The following VAMP4 variants were observed in gnomAD, a reference collection of about 807,000 sequenced individuals.
The protein encoded by VAMP4 is vesicle-associated membrane protein 4.
In VAMP4, 19 loss-of-function variants were observed where a neutral mutation model predicts 23.5. The ratio of observed to expected loss-of-function variants is 0.81; its 90% CI spans 0.56 to 1.19. VAMP4 has a LOEUF of 1.19. Among genes scored for constraint, VAMP4 ranks in the 50% most tolerant of loss-of-function variants. The pLI, the probability that VAMP4 is intolerant of heterozygous loss-of-function variation, is 0.00. For missense variants in VAMP4, 145 were observed against 168.6 expected (o/e 0.86, Z 0.78); for synonymous variants, 31 against 51.0 (o/e 0.61, Z 1.67).
At chr1:171,738,564 A>C in intron 1 of VAMP4, 101 bp from the exon 2 acceptor site, 2 of 720,798 alleles carry the variant, frequency 2.8e-6, no homozygotes, top group Non-Finnish European at 4.5e-6. Context: ...GGACTCCCTC[A>C]TTTTTCTGAC....
chr1:171,729,684 G>A (rs577349199), intron 2 of VAMP4, among the ~76,000 whole-genome samples: 1 of 152,246 alleles, frequency 6.6e-6, no homozygotes, highest in South Asian at 2.1e-4. Flanking sequence ...GTTTGAGATG[G>A]AGTCTTGCTC....
intron 2 of VAMP4, 114 bp downstream of exon 2, chr1:171,738,235 G>A (rs906350043): frequency 1.7e-5 from 19 of 1,116,996 alleles, no homozygotes; most frequent in South Asian, 9.1e-5. Flanking sequence ...TCCCAAGTGC[G>A]GCGATTGCAG....
intron 4 of VAMP4, 129 bp downstream of exon 4, chr1:171,719,042 G>A (rs1024258351): frequency 8.7e-6 from 6 of 689,772 alleles, no homozygotes; most frequent in African/African-American, 5.6e-5. Context: ...AAATGGGCAT[G>A]GCTATGTTCC....
chr1:171,728,803 G>T (rs964559207), intron 2 of VAMP4, among the ~76,000 whole-genome samples: 5 of 152,166 alleles, frequency 3.3e-5, no homozygotes, highest in African/African-American at 1.2e-4. Flanking sequence ...ACTAAAAAAG[G>T]TAGAAAGGTC....
intron 4 of VAMP4, 148 bp from the exon 5 acceptor site, chr1:171,710,962 C>T: frequency 1.7e-6 from 1 of 580,314 alleles, no homozygotes; most frequent in South Asian, 2.3e-5. Context: ...TAGCAATGTT[C>T]TTCCATTTGT....
At chr1:171,729,895 A>T (rs1655505413) in intron 2 of VAMP4, among the ~76,000 whole-genome samples, 1 of 152,166 alleles carries the variant, frequency 6.6e-6, no homozygotes, top group Non-Finnish European at 1.5e-5. Context: ...GTGATCACGG[A>T]TCTTGAGAAG....
intron 4 of VAMP4, among the ~76,000 whole-genome samples, chr1:171,712,977 T>A (rs1654898920): frequency 6.6e-6 from 1 of 152,226 alleles, no homozygotes; most frequent in African/African-American, 2.4e-5. Context: ...AAAGTAATAG[T>A]AATTGTACCT....
Position 171,738,503 on chromosome 1 carries a change from G to C in VAMP4, c.-49-40C>G, listed in dbSNP as rs2124872828. The C allele has an allele frequency of 3.0e-6, 4 of 1,327,774 alleles. No individual in the cohort carries two copies. The South Asian group carries it at 4.9e-5, about 16-fold the overall frequency. The allele number at this position is 1,327,774 out of a possible 1,614,324, so 82.2% of individuals were successfully genotyped here. On this transcript the variant is annotated intron_variant, in intron 1 of 7. Transcript: ENST00000236192. ...AAATTTCATCAGATTTGAGACTTTGGGGCATAAGCTAATGTACTTAAAACA... is the reference window on the plus strand; with the variant it reads ...AAATTTCATCAGATTTGAGACTTTGCGGCATAAGCTAATGTACTTAAAACA...
rs567836066 is a variant in VAMP4, at chr1:171,738,374, A to G, written c.41T>C (p.Val14Ala). 1 of 1,614,142 alleles carries G rather than the reference A, an allele frequency of 6.2e-7. No homozygotes were observed. The highest frequency in any genetic ancestry group is 1.1e-5 in the South Asian group (1 of 91,072). ...KFKRHLNDDD[V>A]TGSVKSERRN... ...CCTTTCACTTTTCACAGAACCTGTG[A>G]CATCATCATCATTGAGGTGGCGCTT... The change falls in exon 2 of 8, where the codon GTC (valine) becomes GCC (alanine). Residue 14 changes from valine (V) to alanine (A), a missense_variant. Coordinates refer to ENST00000236192, the MANE Select transcript of VAMP4 (RefSeq NM_003762.5).
chr1:171,731,363 A>G (rs1397384843), intron 2 of VAMP4, among the ~76,000 whole-genome samples: 1 of 152,186 alleles, frequency 6.6e-6, no homozygotes, highest in Non-Finnish European at 1.5e-5. Context: ...ACATGTATAC[A>G]TATGTAACTA....
chr1:171,705,221 T>C (rs1476456894), intron 7 of VAMP4, among the ~76,000 whole-genome samples: 1 of 152,140 alleles, frequency 6.6e-6, no homozygotes, highest in Non-Finnish European at 1.5e-5. Flanking sequence ...GTATTATTGA[T>C]TCAGTAACAC....
intron 4 of VAMP4, among the ~76,000 whole-genome samples, chr1:171,713,311 A>C (rs75425323): frequency 0.051 from 7,753 of 151,952 alleles, 305 homozygotes; most frequent in Non-Finnish European, 0.077. Flanking sequence ...GTCATATGCA[A>C]GTGACGATAA....
chr1:171,728,686 A>G (rs527883683), intron 2 of VAMP4, 116 bp from the exon 3 acceptor site: 5 of 923,454 alleles, frequency 5.4e-6, no homozygotes, highest in Non-Finnish European at 7.9e-6. Context: ...AGGTGTCCAT[A>G]AAGAGGGAAA....
chr1:171,741,182 T>G (rs545131740), intron 1 of VAMP4, among the ~76,000 whole-genome samples: 1 of 152,334 alleles, frequency 6.6e-6, no homozygotes, highest in Non-Finnish European at 1.5e-5. Flanking sequence ...TTCTTATACA[T>G]CAGCATATAC....
intron 3 of VAMP4, among the ~76,000 whole-genome samples, chr1:171,726,710 A>T (rs1655381657): frequency 6.6e-6 from 1 of 152,182 alleles, no homozygotes; most frequent in South Asian, 2.1e-4. Flanking sequence ...TAAAACTCCT[A>T]GAAGAAAGTA....
At chr1:171,710,478 TC>T (rs1194613050) in intron 5 of VAMP4, among the ~76,000 whole-genome samples, 1 of 152,066 alleles carries the variant, frequency 6.6e-6, no homozygotes, top group Non-Finnish European at 1.5e-5. Flanking sequence ...ACAGCTCTAC[TC>T]TTCACTCTTC....
At chr1:171,725,996 G>A (rs1012768232) in intron 3 of VAMP4, among the ~76,000 whole-genome samples, 13 of 151,208 alleles carry the variant, frequency 8.6e-5, no homozygotes, top group African/African-American at 2.9e-4. Flanking sequence ...CCAGGTTTCC[G>A]TTAATTTTTA....
chr1:171,721,798 A>G (rs1263341527), intron 3 of VAMP4, among the ~76,000 whole-genome samples: 2 of 152,234 alleles, frequency 1.3e-5, no homozygotes, highest in African/African-American at 4.8e-5. Flanking sequence ...ATGGATAGGA[A>G]GAATCAATAT....
chr1:171,708,071 G>C (rs1171234323), intron 6 of VAMP4, among the ~76,000 whole-genome samples: 1 of 151,974 alleles, frequency 6.6e-6, no homozygotes, highest in Non-Finnish European at 1.5e-5. Flanking sequence ...GGCTGAGGTG[G>C]GCAGATTGCT....
Sources: allele counts gnomAD v4.1 joint callset (sites outside exome capture counted in the v4.1 genomes callset), GRCh38; gene constraint gnomAD v4.1.1; transcripts MANE v1.5; gene names NCBI Gene and HGNC (gene_info 2026-07-23, HGNC 2026-07-21).